The following OLFML2B variants were observed in gnomAD, a reference collection of about 807,000 sequenced individuals.
OLFML2B encodes the protein olfactomedin-like protein 2B.
OLFML2B carries 57 observed loss-of-function variants against 74.9 expected under a neutral mutation model. That is an observed-to-expected ratio of 0.76 (90% CI 0.61 to 0.95). OLFML2B has a LOEUF of 0.95. Ranked by LOEUF, OLFML2B falls within the 40% of genes least tolerant of loss-of-function variation. The pLI, the probability that OLFML2B is intolerant of heterozygous loss-of-function variation, is 0.00. For synonymous variants in OLFML2B, 388 were observed against 405.8 expected (o/e 0.96, Z 0.53); for missense variants, 986 against 970.6 (o/e 1.02, Z -0.21).
intron 3 of OLFML2B, among the ~76,000 whole-genome samples, chr1:162,012,475 A>G (rs78067191): frequency 0.022 from 3,312 of 152,306 alleles, 110 homozygotes; most frequent in African/African-American, 0.075. Context: ...TGGGGAGCGG[A>G]CCAGTTCTGG....
At chr1:162,005,671 T>G (rs1690203007) in intron 4 of OLFML2B, among the ~76,000 whole-genome samples, 1 of 152,126 alleles carries the variant, frequency 6.6e-6, no homozygotes, top group Admixed American at 6.5e-5. Context: ...GCAGAAGGAT[T>G]GCTTGTGGCC....
intron 4 of OLFML2B, among the ~76,000 whole-genome samples, chr1:162,004,034 G>C (rs1690152628): frequency 6.6e-6 from 1 of 152,206 alleles, no homozygotes; most frequent in Non-Finnish European, 1.5e-5. Flanking sequence ...TTGGTTTGCT[G>C]TTTGCCCTCA....
At chr1:161,988,845 G>C (rs1571283662) in intron 6 of OLFML2B, among the ~76,000 whole-genome samples, 1 of 152,118 alleles carries the variant, frequency 6.6e-6, no homozygotes, top group Admixed American at 6.6e-5. Context: ...ATGTCCTCAT[G>C]GCTCCTCAAA....
At chr1:162,009,225 C>A (rs76117063) in intron 3 of OLFML2B, among the ~76,000 whole-genome samples, 1,886 of 152,304 alleles carry the variant, frequency 0.012, 28 homozygotes, top group Middle Eastern at 0.054. Flanking sequence ...GACAGATGCA[C>A]GCACTGACTC....
intron 6 of OLFML2B, 89 bp downstream of exon 6, chr1:161,997,736 T>A: frequency 2.1e-6 from 3 of 1,398,430 alleles, no homozygotes; most frequent in South Asian, 1.4e-5. Context: ...TTTGACCATC[T>A]GGTGCCTCCC....
At chr1:162,020,249 T>G in intron 1 of OLFML2B, 67 bp from the exon 2 acceptor site, 1 of 1,573,948 alleles carries the variant, frequency 6.4e-7, no homozygotes, top group Admixed American at 1.7e-5. Flanking sequence ...AGAAGGAGGC[T>G]CTCCATTTAC....
chr1:162,009,660 C>T (rs1001337453), intron 3 of OLFML2B, among the ~76,000 whole-genome samples: 2 of 152,234 alleles, frequency 1.3e-5, no homozygotes, highest in African/African-American at 4.8e-5. Context: ...TGCCAGCCGC[C>T]TGAATAAACA....
chr1:162,010,667 G>A (rs1690356158), intron 3 of OLFML2B, among the ~76,000 whole-genome samples: 2 of 152,020 alleles, frequency 1.3e-5, no homozygotes, highest in South Asian at 4.2e-4. Flanking sequence ...TGGGACCAGG[G>A]GAAAGATGAC....
At chr1:162,022,311 C>T (rs1014821824) in intron 1 of OLFML2B, among the ~76,000 whole-genome samples, 2 of 131,374 alleles carry the variant, frequency 1.5e-5, no homozygotes, top group African/African-American at 3.0e-5. Context: ...AGTGCAGTGG[C>T]GCGATCTCCG....
chr1:162,005,838 G>A (rs988930382), intron 4 of OLFML2B, among the ~76,000 whole-genome samples: 11 of 148,644 alleles, frequency 7.4e-5, no homozygotes, highest in African/African-American at 2.7e-4. Context: ...CCAGGAATTT[G>A]AGGCTGCAGT....
At chr1:162,003,512 G>A (rs559515387) in intron 4 of OLFML2B, among the ~76,000 whole-genome samples, 3 of 152,284 alleles carry the variant, frequency 2.0e-5, no homozygotes, top group South Asian at 2.1e-4. Flanking sequence ...TAATTTCCAC[G>A]GATCCACTGG....
At chr1:162,019,419 A>T (rs531308747) in intron 2 of OLFML2B, among the ~76,000 whole-genome samples, 1 of 152,242 alleles carries the variant, frequency 6.6e-6, no homozygotes, top group East Asian at 1.9e-4. Flanking sequence ...CAGCCAACCC[A>T]TGGGGCTGCC....
At chr1:161,993,394 T>C (rs1689798287) in intron 6 of OLFML2B, among the ~76,000 whole-genome samples, 1 of 152,142 alleles carries the variant, frequency 6.6e-6, no homozygotes, top group Non-Finnish European at 1.5e-5. Flanking sequence ...CCACCCTGCG[T>C]TGAAGTCATG....
At chr1:161,994,752 C>T (rs1282269705) in intron 6 of OLFML2B, among the ~76,000 whole-genome samples, 3 of 151,740 alleles carry the variant, frequency 2.0e-5, no homozygotes, top group African/African-American at 7.3e-5. Flanking sequence ...GTTTCGTTTG[C>T]ACAGCCAAAA....
chr1:161,996,620 C>A (rs1304720189), intron 6 of OLFML2B, among the ~76,000 whole-genome samples: 4 of 152,316 alleles, frequency 2.6e-5, no homozygotes, highest in African/African-American at 9.6e-5. Context: ...TGTTATTTTT[C>A]AGTCATGATC....
rs776825210 is a variant in OLFML2B at position 161,998,143 on chromosome 1, C to T, written c.1156G>A (p.Ala386Thr). Residue 386 changes from alanine (A) to threonine (T), a missense_variant, in exon 6 of 8, where the codon GCC becomes ACC. Ala to Thr is a moderately conservative substitution (Grantham distance 58). Transcript: ENST00000294794. ...PQPSTSDPSI[A>T]NHASVGPTLQ... is the part of the protein sequence containing the mutation. ...GTTGGTCCCACTGAGGCATGGTTGG[C>T]GATGCTGGGATCTGAGGTCGAGGGC... 1.6e-5 allele frequency: 26 copies of T among 1,613,820 alleles called. 1 individual carries two copies. Among genetic ancestry groups the T allele is most frequent in the South Asian group, 1.3e-4 (12 of 91,064 alleles).
At position 161,998,054 on chromosome 1, in the gene OLFML2B, C is replaced by G; in HGVS notation, c.1245G>C (p.Gln415His). Residue 415 changes from glutamine to histidine, a missense_variant, in exon 6 of 8, where the codon CAG becomes CAC. Physicochemically the swap from Gln to His is conservative, Grantham distance 24. Transcript: ENST00000294794. ...TRESVLQPSP[Q>H]VPATTVAHTA... Reference sequence around the variant, plus strand: ...TGTGGGCCACAGTGGTGGCTGGTACCTGAGGAGAAGGCTGCAGGACTGACT... The same window carrying G: ...TGTGGGCCACAGTGGTGGCTGGTACGTGAGGAGAAGGCTGCAGGACTGACT... 1 of 1,614,036 alleles carries G rather than the reference C, an allele frequency of 6.2e-7. No homozygotes were observed. Among genetic ancestry groups the G allele is most frequent in the Non-Finnish European group, 8.5e-7 (1 of 1,179,988 alleles).
At chr1:162,017,178 A>G (rs1379066186) in intron 3 of OLFML2B, among the ~76,000 whole-genome samples, 1 of 152,244 alleles carries the variant, frequency 6.6e-6, no homozygotes, top group Non-Finnish European at 1.5e-5. Context: ...ATTTTATGAA[A>G]AAAAGAAGGT....
intron 6 of OLFML2B, among the ~76,000 whole-genome samples, chr1:161,991,035 T>C (rs1689727530): frequency 6.6e-6 from 1 of 152,186 alleles, no homozygotes. Flanking sequence ...CACTTCTAAT[T>C]GTAGTTTTCT....
Sources: gnomAD v4.1 joint callset for allele counts (sites outside exome capture counted in the v4.1 genomes callset) on GRCh38, gnomAD v4.1.1 for gene constraint, MANE v1.5 for transcripts, NCBI Gene and HGNC (gene_info 2026-07-23, HGNC 2026-07-21) for gene names.